Variants in CYP26A1 observed in about 807,000 individuals in gnomAD.
CYP26A1 encodes cytochrome P450 26A1.
In CYP26A1, 46 loss-of-function variants were observed where a neutral mutation model predicts 47.4. That is an observed-to-expected ratio of 0.97 (90% CI 0.77 to 1.24). The LOEUF (loss-of-function observed/expected upper bound fraction) is 1.24. Ranked by LOEUF, CYP26A1 falls within the 50% of genes most tolerant of loss-of-function variation. The pLI, the probability that CYP26A1 is intolerant of heterozygous loss-of-function variation, is 0.00. For missense variants in CYP26A1, 680 were observed against 644.4 expected, an observed-to-expected ratio of 1.06 and a Z score of -0.60; for synonymous variants, 277 against 263.7, an observed-to-expected ratio of 1.05 and a Z score of -0.49.
chr10:93,074,462 C>G lies in CYP26A1; in HGVS notation c.344C>G (p.Ser115Trp). The G allele has an allele frequency of 6.2e-7, 1 of 1,612,096 alleles. No homozygotes were observed. The highest frequency in any genetic ancestry group is 8.5e-7 in the Non-Finnish European group (1 of 1,178,984). The change falls in exon 2 of 7, where the codon TCG (serine) becomes TGG (tryptophan). Residue 115 changes from serine to tryptophan, a missense_variant. Ser to Trp is a radical substitution (Grantham distance 177, BLOSUM62 -3). Transcript: ENST00000224356. The surrounding 1 kb of genome is among the most constrained non-coding windows in gnomAD (Gnocchi z 5.3). ...HRLVSVHWPA[S>W]VRTILGSGCL... is the part of the protein sequence containing the mutation. ...CTGGTGTCGGTCCACTGGCCAGCGT[C>G]GGTGCGCACCATTCTGGGATCTGGC... is the stretch of plus-strand genomic sequence containing the variant.
chr10:93,076,126 A>T (rs536923065), intron 5 of CYP26A1, among the ~76,000 whole-genome samples, 166 bp downstream of exon 5: 1 of 152,228 alleles, frequency 6.6e-6, no homozygotes, highest in African/African-American at 2.4e-5. Context: ...AATAAACAGG[A>T]TGGAGTCTTG....
intron 6 of CYP26A1, 85 bp from the exon 7 acceptor site, chr10:93,076,878 C>T (rs1846984446): frequency 1.2e-5 from 13 of 1,060,142 alleles, no homozygotes; most frequent in South Asian, 3.1e-5. Context: ...CTCATAATTT[C>T]CCCCAAAGAT....
intron 4 of CYP26A1, 78 bp downstream of exon 4, chr10:93,075,385 G>A: frequency 2.2e-6 from 3 of 1,393,610 alleles, no homozygotes; most frequent in Non-Finnish European, 3.0e-6. Context: ...GGCCCCCAAA[G>A]CGCGCGCCTG....
In CYP26A1 at chr10:93,074,569, A is replaced by G. The variant is rs759126935; in HGVS notation, c.414+37A>G. 4 of 1,355,330 alleles carry G rather than the reference A, an allele frequency of 3.0e-6. No individual in the cohort carries two copies. The South Asian group carries it at 3.5e-5, about 12-fold the overall frequency. The allele number at this position is 1,355,330 out of a possible 1,614,324, so 84.0% of individuals were successfully genotyped here. Reference sequence around the variant, plus strand: ...AGGCGACGGCTGGACAGGGAGGGGGACCCCATTTATGAGCGGAATTCCGGC... The same window carrying G: ...AGGCGACGGCTGGACAGGGAGGGGGGCCCCATTTATGAGCGGAATTCCGGC... On this transcript the variant is annotated intron_variant, in intron 2 of 6. Coordinates refer to ENST00000224356, the MANE Select transcript of CYP26A1 (RefSeq NM_000783.4). This position sits in a 1 kb window ranked among gnomAD's most constrained non-coding sequence, Gnocchi z 5.3.
rs1175537054 is a variant in CYP26A1, at chr10:93,075,876, G to A, written c.915G>A (p.Thr305=). ...TCCTCTTTGGAGGACACGAAACCACGGCCAGTGCAGCCACATCTCTGATCA... is the reference window on the plus strand; with the variant it reads ...TCCTCTTTGGAGGACACGAAACCACAGCCAGTGCAGCCACATCTCTGATCA... ...TELLFGGHET[T]ASAATSLITY... Residue 305 remains threonine, a synonymous_variant, in exon 5 of 7, where the codon ACG becomes ACA. Coordinates refer to ENST00000224356, the MANE Select transcript of CYP26A1 (RefSeq NM_000783.4). 3.1e-6 allele frequency: 5 copies of A among 1,610,458 alleles called. No homozygotes were observed. The highest frequency in any genetic ancestry group is 2.2e-5 in the East Asian group (1 of 44,872).
At chr10:93,076,445 C>T (rs1846978122) in intron 5 of CYP26A1, 99 bp from the exon 6 acceptor site, 9 of 768,482 alleles carry the variant, frequency 1.2e-5, no homozygotes, top group Non-Finnish European at 1.7e-5. Flanking sequence ...TCATGGGGCC[C>T]TTTGGGTTTA....
At chr10:93,075,562 T>C (rs1846967217) in intron 4 of CYP26A1, 1 of 593,214 alleles carries the variant, frequency 1.7e-6, no homozygotes, top group South Asian at 2.2e-5. Flanking sequence ...TGCAAAAATG[T>C]TAATAAAGAA....
At chr10:93,075,698 T>G in intron 4 of CYP26A1, 128 bp from the exon 5 acceptor site, 1 of 709,768 alleles carries the variant, frequency 1.4e-6, no homozygotes. Context: ...TTGCTTTCCT[T>G]GACTTTCTGT....
At position 93,074,203 on chromosome 10, in the gene CYP26A1, G is replaced by A. The variant is rs1042771925; in HGVS notation, c.189+80G>A. ...GGCTTCTGCTGAAGTCGGGGTAGGC[G>A]CCCCCGGGAGGCATGCTATTGCGGC... On this transcript the variant is annotated intron_variant, in intron 1 of 6. Coordinates refer to ENST00000224356, the MANE Select transcript of CYP26A1 (RefSeq NM_000783.4). The surrounding 1 kb of genome is among the most constrained non-coding windows in gnomAD (Gnocchi z 5.3). 2 of 1,515,446 alleles carry A rather than the reference G, an allele frequency of 1.3e-6. No individual in the cohort carries two copies. Among genetic ancestry groups the A allele is most frequent in the Non-Finnish European group, 1.8e-6 (2 of 1,127,620 alleles). The allele number at this position is 1,515,446 out of a possible 1,614,324, so 93.9% of individuals were successfully genotyped here.
At position 93,074,425 on chromosome 10, in the gene CYP26A1, G is replaced by A; in HGVS notation, c.307G>A (p.Gly103Arg). The A allele has an allele frequency of 1.2e-6, 2 of 1,610,742 alleles. No homozygotes were observed. Among genetic ancestry groups the A allele is most frequent in the East Asian group, 4.5e-5 (2 of 44,838 alleles). Residue 103 changes from glycine (G) to arginine (R), a missense_variant, in exon 2 of 7, where the codon GGA (glycine) becomes AGA (arginine). Physicochemically the swap from Gly to Arg is moderately radical, Grantham distance 125. Coordinates refer to ENST00000224356, the MANE Select transcript of CYP26A1 (RefSeq NM_000783.4). This position sits in a 1 kb window ranked among gnomAD's most constrained non-coding sequence, Gnocchi z 5.3. ...GADNVRRILL[G>R]EHRLVSVHWP... is the part of the protein sequence containing the mutation. ...GGACAATGTGCGGCGCATCTTGCTC[G>A]GAGAGCACCGGCTGGTGTCGGTCCA...
rs1202954142 is a variant in CYP26A1, at chr10:93,077,107, A to G, written c.1297A>G (p.Ile433Val). The G allele has an allele frequency of 6.2e-7, 1 of 1,614,234 alleles. No homozygotes were observed. Among genetic ancestry groups the G allele is most frequent in the Non-Finnish European group, 8.5e-7 (1 of 1,180,032 alleles). ...HPEDASRFSF[I>V]PFGGGLRSCV... ...AGAGGATGCATCCAGGTTCAGCTTC[A>G]TTCCATTTGGAGGAGGCCTTAGGAG... is the stretch of plus-strand genomic sequence containing the variant. Residue 433 changes from isoleucine to valine, a missense_variant, in exon 7 of 7, where the codon ATT becomes GTT. Coordinates refer to ENST00000224356, the MANE Select transcript of CYP26A1 (RefSeq NM_000783.4).
chr10:93,073,880 T>C, upstream of CYP26A1: 2 of 678,146 alleles, frequency 2.9e-6, no homozygotes, highest in Non-Finnish European at 5.2e-6. Flanking sequence ...GGCAGCGCCG[T>C]GGGGTTTGAA....
At chr10:93,073,856 G>A (rs1425239562), upstream of CYP26A1, 9 of 628,284 alleles carry the variant, frequency 1.4e-5, no homozygotes, top group Non-Finnish European at 2.2e-5. Flanking sequence ...AGCAACCTGG[G>A]CCGCCTATAA....
chr10:93,077,265 T>C lies in CYP26A1; in HGVS notation c.1455T>C (p.Asn485=). ...KTSPTVYPVD[N]LPARFTHFHG... ...GTCCCACCGTGTATCCTGTGGACAATCTCCCTGCAAGATTCACCCATTTCC... is the reference window on the plus strand; with the variant it reads ...GTCCCACCGTGTATCCTGTGGACAACCTCCCTGCAAGATTCACCCATTTCC... The change falls in exon 7 of 7, where the codon AAT becomes AAC. Residue 485 remains asparagine, a synonymous_variant. Coordinates refer to ENST00000224356, the MANE Select transcript of CYP26A1 (RefSeq NM_000783.4). The C allele has an allele frequency of 6.4e-7, 1 of 1,561,456 alleles. No homozygotes were observed. The highest frequency in any genetic ancestry group is 8.7e-7 in the Non-Finnish European group (1 of 1,151,876).
Position 93,077,813 on chromosome 10 carries a change from CTG to C in CYP26A1, c.*510_*511del, listed in dbSNP as rs1283801131. Reference sequence around the variant, plus strand: ...GAAAGATGAACCTGAAAAGGTAACACTGAGAACTGTCACTCTAACCTCTCCAG... The same window carrying C: ...GAAAGATGAACCTGAAAAGGTAACACAGAACTGTCACTCTAACCTCTCCAG... On this transcript the variant is annotated 3_prime_UTR_variant, in exon 7 of 7. Coordinates refer to ENST00000224356, the MANE Select transcript of CYP26A1 (RefSeq NM_000783.4). 2 of 152,154 alleles carry C rather than the reference CTG, an allele frequency of 1.3e-5. No homozygotes were observed. Among genetic ancestry groups the C allele is most frequent in the African/African-American group, 4.8e-5 (2 of 41,418 alleles). The allele number at this position is 152,154 out of a possible 1,614,324, so 9.4% of individuals were successfully genotyped here. A position where few individuals can be genotyped will look rare whatever the true frequency, so the allele number is the denominator to read the frequency against.
chr10:93,074,897 ACCC>A lies in CYP26A1; in HGVS notation c.535_537del (p.Pro179del). The stretch of plus-strand genomic sequence containing the variant: ...TGCGGCGAGCGCGGCCTCCTGGTCT[ACCC>A]CGAGGTGAAGCGCCTCATGTTCCGA... On this transcript the variant is annotated inframe_deletion, in exon 3 of 7. Coordinates refer to ENST00000224356, the MANE Select transcript of CYP26A1 (RefSeq NM_000783.4). This position sits in a 1 kb window ranked among gnomAD's most constrained non-coding sequence, Gnocchi z 5.3. The A allele has an allele frequency of 1.9e-6, 3 of 1,613,080 alleles. No homozygotes were observed. The highest frequency in any genetic ancestry group is 2.5e-6 in the Non-Finnish European group (3 of 1,180,018).
Position 93,074,367 on chromosome 10 carries a change from G to T in CYP26A1, c.249G>T (p.Leu83=). 6.2e-7 allele frequency: 1 copy of T among 1,612,522 alleles called. No individual in the cohort carries two copies. Among genetic ancestry groups the T allele is most frequent in the Non-Finnish European group, 8.5e-7 (1 of 1,179,274 alleles). ...RKYGFIYKTH[L]FGRPTVRVMG... is the part of the protein sequence containing the mutation. The stretch of plus-strand genomic sequence containing the variant: ...ACGGCTTCATCTACAAGACGCATCT[G>T]TTCGGGCGGCCCACCGTACGGGTGA... Residue 83 remains leucine (L), a synonymous_variant, in exon 2 of 7, where the codon CTG becomes CTT. Transcript: ENST00000224356. This position sits in a 1 kb window ranked among gnomAD's most constrained non-coding sequence, Gnocchi z 5.3.
In CYP26A1 at chr10:93,076,836, CCT is replaced by C. The variant is rs1846984124; in HGVS notation, c.1153-120_1153-119del. 1.4e-5 allele frequency: 13 copies of C among 904,872 alleles called. No individual in the cohort carries two copies. The South Asian group carries it at 1.5e-4, about 11-fold the overall frequency. The allele number at this position is 904,872 out of a possible 1,614,324, so 56.1% of individuals were successfully genotyped here. A position where few individuals can be genotyped will look rare whatever the true frequency, so the allele number is the denominator to read the frequency against. On this transcript the variant is annotated intron_variant, in intron 6 of 6. Transcript: ENST00000224356. ...GATATGTTTCAGCAACCTGGATCCA[CCT>C]CTCTCTTTCTACCTCTCCCTTGCTT...
intron 4 of CYP26A1, 135 bp downstream of exon 4, chr10:93,075,442 G>C (rs1276584551): frequency 1.1e-5 from 9 of 784,212 alleles, no homozygotes; most frequent in Non-Finnish European, 1.8e-5. Context: ...TACAGCTATG[G>C]AATCCCGAAG....
Sources: allele counts gnomAD v4.1 joint callset (sites outside exome capture counted in the v4.1 genomes callset), GRCh38; gene constraint gnomAD v4.1.1; non-coding constraint Gnocchi (gnomAD v3.1); transcripts MANE v1.5; gene names NCBI Gene and HGNC (gene_info 2026-07-23, HGNC 2026-07-21).